NLGN1: variants seen among roughly 807,000 people sequenced by gnomAD.
NLGN1 encodes the protein neuroligin-1.
In NLGN1, 12 loss-of-function variants were observed where a neutral mutation model predicts 65.5. The ratio of observed to expected loss-of-function variants is 0.18; its 90% CI spans 0.12 to 0.30. NLGN1 has a LOEUF of 0.30. NLGN1 is among the 10% of genes least tolerant of loss of function. NLGN1 has a pLI of 1.00. For synonymous variants in NLGN1, 350 were observed against 359.5 expected (o/e 0.97, Z 0.30); for missense variants, 750 against 1,007.1 (o/e 0.74, Z 3.46).
At chr3:173,735,162 G>T (rs1773541503) in intron 3 of NLGN1, among the ~76,000 whole-genome samples, 1 of 152,074 alleles carries the variant, frequency 6.6e-6, no homozygotes, top group Non-Finnish European at 1.5e-5. Flanking sequence ...CTGTAACTAT[G>T]TATGGGCATA....
At chr3:174,119,255 A>G (rs1313237817) in intron 4 of NLGN1, among the ~76,000 whole-genome samples, 1 of 152,080 alleles carries the variant, frequency 6.6e-6, no homozygotes, top group Non-Finnish European at 1.5e-5. Context: ...ACTTCTATGC[A>G]TTTCTAAATG....
chr3:174,152,781 AT>A (rs1724649221), intron 4 of NLGN1, among the ~76,000 whole-genome samples: 2 of 152,098 alleles, frequency 1.3e-5, no homozygotes, highest in Non-Finnish European at 2.9e-5. Flanking sequence ...ATGTGGAAAC[AT>A]TTTTTATTTA....
In NLGN1 at chr3:174,268,961, GT is replaced by G. The variant is rs1460159207; in HGVS notation, c.647-6343del. ...GATATTAACCTCATTTCAGAGCCAG[GT>G]TTTTTTTTTTCCAAAGGATACACAT... On this transcript the variant is annotated intron_variant, in intron 4 of 6. Coordinates refer to ENST00000457714, the Ensembl canonical transcript of NLGN1. Among the ~76,000 whole-genome samples, 1,061 of 145,614 alleles carry G rather than the reference GT, an allele frequency of 7.3e-3. 8 individuals are homozygous for G. Among genetic ancestry groups the G allele is most frequent in the African/African-American group, 0.023 (903 of 39,944 alleles).
intron 3 of NLGN1, among the ~76,000 whole-genome samples, chr3:173,629,857 T>G (rs535675974): frequency 6.8e-4 from 103 of 152,320 alleles, no homozygotes; most frequent in African/African-American, 2.3e-3. Context: ...ATCAGACTTG[T>G]ACAATTTTCA....
At chr3:174,017,438 T>C (rs1726808505) in intron 4 of NLGN1, among the ~76,000 whole-genome samples, 1 of 152,186 alleles carries the variant, frequency 6.6e-6, no homozygotes, top group Non-Finnish European at 1.5e-5. Flanking sequence ...GAGCCATTCA[T>C]ATAATTTGTC....
intron 3 of NLGN1, 82 bp from the exon 4 acceptor site, chr3:173,807,598 C>A: frequency 6.7e-7 from 1 of 1,487,108 alleles, no homozygotes; most frequent in Non-Finnish European, 9.2e-7. Flanking sequence ...GCCCTCTTTT[C>A]ACTAAGATGG....
intron 4 of NLGN1, among the ~76,000 whole-genome samples, chr3:173,974,504 G>T (rs186892391): frequency 1.3e-5 from 2 of 152,088 alleles, no homozygotes; most frequent in Admixed American, 1.3e-4. Flanking sequence ...CACAAATCCT[G>T]ACCTTTACTA....
intron 3 of NLGN1, among the ~76,000 whole-genome samples, chr3:173,788,682 G>T (rs979630194): frequency 5.9e-5 from 9 of 151,912 alleles, no homozygotes; most frequent in African/African-American, 2.2e-4. Context: ...CCTGCTGGAT[G>T]CAGTGGCTTG....
intron 3 of NLGN1, among the ~76,000 whole-genome samples, chr3:173,676,695 A>G (rs1412032710): frequency 6.6e-6 from 1 of 152,128 alleles, no homozygotes; most frequent in African/African-American, 2.4e-5. Flanking sequence ...CACTGGAAAT[A>G]TTAAGTAAAT....
At chr3:173,978,756 G>C (rs1405552015) in intron 4 of NLGN1, among the ~76,000 whole-genome samples, 1 of 150,166 alleles carries the variant, frequency 6.7e-6, no homozygotes, top group East Asian at 2.0e-4. Context: ...AGCATTTTGA[G>C]AGGCCTAGGT....
At chr3:173,642,688 G>C (rs994539293) in intron 3 of NLGN1, among the ~76,000 whole-genome samples, 5 of 152,068 alleles carry the variant, frequency 3.3e-5, no homozygotes. Flanking sequence ...AGATTCAAAA[G>C]GCTTTGCAAA....
chr3:173,856,974 T>C (rs16831155), intron 4 of NLGN1, among the ~76,000 whole-genome samples: 2,880 of 150,870 alleles, frequency 0.019, 71 homozygotes, highest in Middle Eastern at 0.065. Context: ...GCCAGGAAAT[T>C]GAAGAAGCTG....
chr3:173,793,723 T>C (rs1185491720), intron 3 of NLGN1, among the ~76,000 whole-genome samples: 1 of 152,156 alleles, frequency 6.6e-6, no homozygotes, highest in Non-Finnish European at 1.5e-5. Context: ...TTTTTCATCA[T>C]CTAATTTCAC....
chr3:173,695,661 A>G, intron 3 of NLGN1: 1 of 196,350 alleles, frequency 5.1e-6, no homozygotes, highest in Non-Finnish European at 1.1e-5. Context: ...TGGACTTATA[A>G]AAGTCCACAG....
chr3:173,879,103 C>T (rs550146926), intron 4 of NLGN1, among the ~76,000 whole-genome samples: 1 of 152,014 alleles, frequency 6.6e-6, no homozygotes, highest in Admixed American at 6.6e-5. Context: ...CATGGTGGCA[C>T]ATGTCTGTAG....
At chr3:173,657,890 T>G (rs867622606) in intron 3 of NLGN1, among the ~76,000 whole-genome samples, 17 of 152,060 alleles carry the variant, frequency 1.1e-4, no homozygotes, top group Middle Eastern at 3.4e-3. Flanking sequence ...CTCCTTTTTT[T>G]CATATAAAAT....
chr3:173,708,850 T>C (rs1210479995), intron 3 of NLGN1, among the ~76,000 whole-genome samples: 1 of 152,224 alleles, frequency 6.6e-6, no homozygotes, highest in Non-Finnish European at 1.5e-5. Context: ...GTTTAATACA[T>C]TGATTTTCAA....
At chr3:173,697,396 T>G (rs984649092) in intron 3 of NLGN1, among the ~76,000 whole-genome samples, 1 of 152,176 alleles carries the variant, frequency 6.6e-6, no homozygotes, top group African/African-American at 2.4e-5. Context: ...ATAAAGAAAA[T>G]GGATACAATA....
intron 4 of NLGN1, among the ~76,000 whole-genome samples, chr3:173,888,721 G>C (rs1465980399): frequency 4.6e-5 from 7 of 151,968 alleles, no homozygotes; most frequent in Admixed American, 4.6e-4. Flanking sequence ...AAAGTTTATC[G>C]TGACGTATTT....
Sources: gnomAD v4.1 joint callset for allele counts (sites outside exome capture counted in the v4.1 genomes callset) on GRCh38, gnomAD v4.1.1 for gene constraint, MANE v1.5 for transcripts, NCBI Gene and HGNC (gene_info 2026-07-23, HGNC 2026-07-21) for gene names.